ZNF407: variants seen among roughly 807,000 people sequenced by gnomAD.
ZNF407 encodes zinc finger protein 407.
ZNF407 carries 17 observed loss-of-function variants against 131.2 expected under a neutral mutation model. The ratio of observed to expected loss-of-function variants is 0.13; its 90% CI spans 0.09 to 0.19. The LOEUF (loss-of-function observed/expected upper bound fraction) is 0.19, where lower values mean the gene tolerates loss of function less well. Ranked by LOEUF, ZNF407 falls within the 10% of genes least tolerant of loss-of-function variation. The probability of loss-of-function intolerance (pLI) is 1.00; values close to 1 mark genes in which losing one functional copy is unlikely to be tolerated. For synonymous variants in ZNF407, 1,156 were observed against 1,062.0 expected (o/e 1.09, Z -1.72); for missense variants, 2,681 against 2,830.6 (o/e 0.95, Z 1.20).
At chr18:74,785,869 TCACTCACATGG>T (rs6146388) in intron 4 of ZNF407, among the ~76,000 whole-genome samples, 99,436 of 151,268 alleles carry the variant, frequency 0.66, 34,379 homozygotes, top group East Asian at 0.95. Flanking sequence ...GGCACACACG[TCACTCACATGG>T]CACGCACATG....
chr18:74,849,170 C>T lies in ZNF407; in HGVS notation c.4878-28027C>T, dbSNP rs193172165. ...CTCGGCTCACTGCAACCTCCGCCTC[C>T]CGGTTTCAAGCAATTCTCCTGCCTC... On this transcript the variant is annotated intron_variant, in intron 4 of 8. Transcript: ENST00000299687. 7.1e-3 allele frequency among the ~76,000 whole-genome samples: 1,084 copies of T among 151,760 alleles called. 11 individuals are homozygous for T. Among genetic ancestry groups the T allele is most frequent in the African/African-American group, 0.023 (968 of 41,348 alleles).
chr18:74,631,429 T>A lies in ZNF407; in HGVS notation c.410T>A (p.Phe137Tyr). Residue 137 changes from phenylalanine (F) to tyrosine (Y), a missense_variant, in exon 2 of 9, where the codon TTT becomes TAT. Physicochemically the swap from Phe to Tyr is conservative, Grantham distance 22 (BLOSUM62 3). Transcript: ENST00000299687. ...AATGCCCTCTCCCCTTCTTGCAATT[T>A]TAGCACTATTGATGTTGTTTCTCTG... The part of the protein sequence containing the change: ...LPNALSPSCN[F>Y]STIDVVSLKT... The A allele has an allele frequency of 6.2e-7, 1 of 1,614,016 alleles. No homozygotes were observed. The highest frequency in any genetic ancestry group is 8.5e-7 in the Non-Finnish European group (1 of 1,179,892).
At chr18:74,906,716 T>G (rs1427330312) in intron 7 of ZNF407, among the ~76,000 whole-genome samples, 1 of 152,120 alleles carries the variant, frequency 6.6e-6, no homozygotes, top group Non-Finnish European at 1.5e-5. Flanking sequence ...TATCTGTATA[T>G]GTATGTGCAT....
Position 75,063,867 on chromosome 18 carries a change from G to A in ZNF407, c.6146G>A (p.Ser2049Asn), listed in dbSNP as rs779129581. The change falls in exon 9 of 9, where the codon AGC becomes AAC. Residue 2049 changes from serine to asparagine, a missense_variant. Physicochemically the swap from Ser to Asn is conservative, Grantham distance 46. Around this residue, in one of 6 missense-constraint regions of ZNF407, gnomAD observed 620 missense variants for 583.1 expected, o/e 1.06. Coordinates refer to ENST00000299687, the MANE Select transcript of ZNF407 (RefSeq NM_017757.3). This position sits in a 1 kb window ranked among gnomAD's most constrained non-coding sequence, Gnocchi z 6.6. ...EIQMFPQAQESPAAVEVLTQV... is the reference protein window; with the variant it reads ...EIQMFPQAQENPAAVEVLTQV... Reference sequence around the variant, plus strand: ...CAGATGTTCCCACAGGCCCAGGAGAGCCCGGCCGCCGTGGAGGTGCTCACC... The same window carrying A: ...CAGATGTTCCCACAGGCCCAGGAGAACCCGGCCGCCGTGGAGGTGCTCACC... 8 of 1,611,280 alleles carry A rather than the reference G, an allele frequency of 5.0e-6. No individual in the cohort carries two copies. The East Asian group carries it at 1.6e-4, about 31-fold the overall frequency.
At chr18:74,700,470 CTT>C (rs1967466243) in intron 3 of ZNF407, among the ~76,000 whole-genome samples, 1 of 152,204 alleles carries the variant, frequency 6.6e-6, no homozygotes, top group Non-Finnish European at 1.5e-5. Flanking sequence ...GATGCCAGCA[CTT>C]TGCACTTTCC....
At chr18:74,619,060 TAAGC>T (rs1202659703) in intron 1 of ZNF407, among the ~76,000 whole-genome samples, 1 of 152,246 alleles carries the variant, frequency 6.6e-6, no homozygotes, top group Non-Finnish European at 1.5e-5. Flanking sequence ...CCAGTGAATC[TAAGC>T]AAGAACAGTG....
rs143956951 is a variant in ZNF407, at chr18:74,734,178, C to G, written c.4803-47250C>G. 2.9e-3 allele frequency among the ~76,000 whole-genome samples: 445 copies of G among 152,212 alleles called. 1 individual carries two copies. The highest frequency in any genetic ancestry group is 6.8e-3 in the Middle Eastern group (2 of 294). ...GGTTCCAGCAGTATGCAGAAGGAAA[C>G]CAGTAAATCCTCAATGTCACGCCAC... On this transcript the variant is annotated intron_variant, in intron 3 of 8. Transcript: ENST00000299687.
intron 4 of ZNF407, among the ~76,000 whole-genome samples, chr18:74,849,374 C>T (rs376709913): frequency 8.5e-5 from 13 of 152,108 alleles, no homozygotes; most frequent in Admixed American, 3.3e-4. Flanking sequence ...TACTGCACCC[C>T]GCCGTTTCTT....
intron 8 of ZNF407, among the ~76,000 whole-genome samples, chr18:75,032,707 T>C (rs1421130868): frequency 6.6e-6 from 1 of 150,650 alleles, no homozygotes; most frequent in Non-Finnish European, 1.5e-5. Flanking sequence ...GAAGATAGTA[T>C]TAGATAACTA....
intron 8 of ZNF407, among the ~76,000 whole-genome samples, chr18:74,955,879 T>C (rs1437504499): frequency 6.6e-6 from 1 of 152,230 alleles, no homozygotes; most frequent in African/African-American, 2.4e-5. Flanking sequence ...CTGTCTGTGC[T>C]GGCAGAGTCC....
chr18:74,609,675 C>T (rs1339273277), intron 1 of ZNF407, among the ~76,000 whole-genome samples: 1 of 152,184 alleles, frequency 6.6e-6, no homozygotes, highest in Non-Finnish European at 1.5e-5. Flanking sequence ...CTTACACCAG[C>T]ATCACCACAA....
At chr18:74,839,190 C>T (rs183057037) in intron 4 of ZNF407, among the ~76,000 whole-genome samples, 218 of 152,202 alleles carry the variant, frequency 1.4e-3, no homozygotes, top group Admixed American at 4.4e-3. Context: ...TTCATTGGTG[C>T]ACATCTCTAT....
At chr18:74,658,507 T>G (rs540902916) in intron 3 of ZNF407, among the ~76,000 whole-genome samples, 17 of 152,264 alleles carry the variant, frequency 1.1e-4, no homozygotes, top group Middle Eastern at 3.4e-3. Flanking sequence ...TTTACAGGTT[T>G]AATGGGTAAA....
Position 74,826,436 on chromosome 18 carries a change from G to T in ZNF407, c.4877+44934G>T, listed in dbSNP as rs957060843. Among the ~76,000 whole-genome samples the T allele has an allele frequency of 2.0e-5, 3 of 152,180 alleles. No homozygotes were observed. In the East Asian group the frequency reaches 5.8e-4, roughly 29 times the overall value. ...CTCTTAGGCAGTTGGCTCAAGAGCC[G>T]TGTGTGTGGTAGTGTTTGAGCTCCA... On this transcript the variant is annotated intron_variant, in intron 4 of 8. Coordinates refer to ENST00000299687, the MANE Select transcript of ZNF407 (RefSeq NM_017757.3).
chr18:74,654,488 A>C (rs1985363538), intron 3 of ZNF407, among the ~76,000 whole-genome samples: 1 of 151,886 alleles, frequency 6.6e-6, no homozygotes, highest in African/African-American at 2.4e-5. Flanking sequence ...TTGGTAACTA[A>C]AGGAACTCAC....
intron 3 of ZNF407, among the ~76,000 whole-genome samples, chr18:74,672,126 T>C (rs1986163432): frequency 1.3e-5 from 2 of 152,138 alleles, no homozygotes; most frequent in Admixed American, 1.3e-4. Context: ...TTTGAGGAAT[T>C]GCCACACTGC....
In ZNF407 at chr18:74,634,047, G is replaced by C. The variant is rs1239037863; in HGVS notation, c.3028G>C (p.Asp1010His). The change falls in exon 2 of 9, where the codon GAT (aspartate) becomes CAT (histidine). Residue 1010 changes from aspartate to histidine, a missense_variant. By Grantham distance (81) the Asp-to-His change is moderately conservative. Coordinates refer to ENST00000299687, the MANE Select transcript of ZNF407 (RefSeq NM_017757.3). Reference sequence around the variant, plus strand: ...GCCGGGGGATGTGTACTCCCAGAGAGATGTTACAGGCACAGGTGAGAATAA... The same window carrying C: ...GCCGGGGGATGTGTACTCCCAGAGACATGTTACAGGCACAGGTGAGAATAA... ...AQPGDVYSQR[D>H]VTGTGENKCL... 1 of 1,614,050 alleles carries C rather than the reference G, an allele frequency of 6.2e-7. No homozygotes were observed. Among genetic ancestry groups the C allele is most frequent in the Non-Finnish European group, 8.5e-7 (1 of 1,179,902 alleles).
rs952346020 is a variant in ZNF407 at position 74,994,108 on chromosome 18, G to T, written c.5429-69042G>T. Among the ~76,000 whole-genome samples, 46 of 152,282 alleles carry T rather than the reference G, an allele frequency of 3.0e-4. 1 individual carries two copies. Among genetic ancestry groups the T allele is most frequent in the African/African-American group, 9.4e-4 (39 of 41,564 alleles). On this transcript the variant is annotated intron_variant, in intron 8 of 8. Coordinates refer to ENST00000299687, the MANE Select transcript of ZNF407 (RefSeq NM_017757.3). ...GGTCTGTAGATTGGAGAATATTAGTGTATCATTTTTAAATCCCACAGTTTT... is the reference window on the plus strand; with the variant it reads ...GGTCTGTAGATTGGAGAATATTAGTTTATCATTTTTAAATCCCACAGTTTT...
At chr18:74,759,867 A>T (rs984684928) in intron 3 of ZNF407, among the ~76,000 whole-genome samples, 2 of 144,052 alleles carry the variant, frequency 1.4e-5, no homozygotes, top group Non-Finnish European at 3.0e-5. Context: ...TAGCAGTCTT[A>T]TCTGGGATTT....
Sources: gnomAD v4.1 joint callset for allele counts (sites outside exome capture counted in the v4.1 genomes callset) on GRCh38, gnomAD v4.1.1 for gene constraint, gnomAD v4.1.1 regional missense constraint, Gnocchi (gnomAD v3.1) non-coding constraint, MANE v1.5 for transcripts, NCBI Gene and HGNC (gene_info 2026-07-23, HGNC 2026-07-21) for gene names.